Variants in PCNT observed in about 807,000 individuals in gnomAD.
The protein encoded by PCNT is pericentrin.
Under a neutral mutation model 380.4 loss-of-function variants are expected in PCNT, and 319 were observed. The observed-to-expected ratio is 0.84, with a 90% confidence interval of 0.77 to 0.92. The LOEUF is 0.92. PCNT is among the 40% of genes least tolerant of loss of function. The pLI is 0.00. For synonymous variants in PCNT, 1,845 were observed against 1,735.2 expected (o/e 1.06, Z -1.57); for missense variants, 4,400 against 4,255.3 (o/e 1.03, Z -0.95).
At chr21:46,426,041 A>G (rs2087482397) in intron 33 of PCNT, 70 bp downstream of exon 33, 4 of 960,066 alleles carry the variant, frequency 4.2e-6, no homozygotes, top group Non-Finnish European at 6.4e-6. Flanking sequence ...CCGCGTCCTT[A>G]GGGCCACGTG....
Position 46,416,908 on chromosome 21 carries a change from C to G in PCNT, c.6921+69C>G, listed in dbSNP as rs2087049862. On this transcript the variant is annotated intron_variant, in intron 30 of 46. Coordinates refer to ENST00000359568, the MANE Select transcript of PCNT (RefSeq NM_006031.6). ...TGTGGTCTGCCCGGCGCCACGGCAG[C>G]TGCCATTGTTTGTTCACCTCCTGAC... 2.7e-6 allele frequency: 4 copies of G among 1,508,154 alleles called. No individual in the cohort carries two copies. In the African/African-American group the frequency reaches 4.1e-5, roughly 15 times the overall value. The allele number at this position is 1,508,154 out of a possible 1,614,324, so 93.4% of individuals were successfully genotyped here. A position where few individuals can be genotyped will look rare whatever the true frequency, so the allele number is the denominator to read the frequency against.
intron 15 of PCNT, among the ~76,000 whole-genome samples, chr21:46,379,656 C>G (rs1601894523): frequency 6.6e-6 from 1 of 152,100 alleles, no homozygotes; most frequent in Non-Finnish European, 1.5e-5. Context: ...CTGACTGGAT[C>G]GTCTTAATTG....
chr21:46,406,070 T>A (rs1454439229), intron 27 of PCNT, among the ~76,000 whole-genome samples: 1 of 152,234 alleles, frequency 6.6e-6, no homozygotes, highest in Non-Finnish European at 1.5e-5. Context: ...GAAACCACAT[T>A]TGCTGTATTC....
chr21:46,344,469 A>G (rs2084003128), intron 3 of PCNT, among the ~76,000 whole-genome samples: 2 of 152,178 alleles, frequency 1.3e-5, no homozygotes, highest in African/African-American at 4.8e-5. Flanking sequence ...GGAGCCCACC[A>G]TGCCGCCCTT....
intron 1 of PCNT, chr21:46,325,199 G>A: frequency 2.0e-6 from 2 of 985,428 alleles, no homozygotes; most frequent in Non-Finnish European, 1.2e-6. Context: ...GGAGCAGGCC[G>A]GCCTCTGCGA....
At chr21:46,402,187 T>C (rs2086451141) in intron 26 of PCNT, 144 bp from the exon 27 acceptor site, 1 of 584,210 alleles carries the variant, frequency 1.7e-6, no homozygotes, top group East Asian at 3.2e-5. Flanking sequence ...TTACCATTTG[T>C]GTGCGGGTAC....
chr21:46,353,768 G>A (rs966458883), intron 10 of PCNT, among the ~76,000 whole-genome samples: 1 of 150,914 alleles, frequency 6.6e-6, no homozygotes, highest in Admixed American at 6.6e-5. Flanking sequence ...GACAGAGAGA[G>A]AGTCAGTGGC....
At chr21:46,386,018 G>C (rs779381057) in intron 17 of PCNT, 35 bp downstream of exon 17, 1 of 1,612,332 alleles carries the variant, frequency 6.2e-7, no homozygotes, top group Non-Finnish European at 8.5e-7. Flanking sequence ...CTGCCTTGTG[G>C]CCGCCAGCAC....
chr21:46,439,533 G>A (rs1345534809), intron 41 of PCNT, among the ~76,000 whole-genome samples: 1 of 152,208 alleles, frequency 6.6e-6, no homozygotes, highest in East Asian at 1.9e-4. Context: ...AAGATCACTT[G>A]CAGCACCTCA....
intron 27 of PCNT, among the ~76,000 whole-genome samples, chr21:46,409,017 C>T (rs2086701541): frequency 6.6e-6 from 1 of 152,030 alleles, no homozygotes; most frequent in Non-Finnish European, 1.5e-5. Flanking sequence ...AGCCACCGTG[C>T]CCCACCTCAG....
intron 16 of PCNT, among the ~76,000 whole-genome samples, chr21:46,383,341 C>T (rs1201620177): frequency 3.3e-5 from 4 of 119,702 alleles, no homozygotes; most frequent in Non-Finnish European, 6.7e-5. Context: ...AGCACATTCA[C>T]GGTGTGCATT....
At chr21:46,394,576 G>A (rs2086146051) in intron 21 of PCNT, 2 of 974,618 alleles carry the variant, frequency 2.1e-6, no homozygotes, top group African/African-American at 1.8e-5. Flanking sequence ...GTGACGTGCT[G>A]TTTGTTTGCA....
intron 14 of PCNT, among the ~76,000 whole-genome samples, chr21:46,365,623 T>C (rs986914835): frequency 2.7e-5 from 4 of 146,938 alleles, no homozygotes; most frequent in African/African-American, 1.0e-4. Context: ...TGCCGTGGGG[T>C]TCTGATCACT....
Position 46,370,501 on chromosome 21 carries a change from G to A in PCNT, c.3165+3362G>A, listed in dbSNP as rs560392343. ...GATGGCATAGGGAGGGGCATGGAGA[G>A]CCTGGGGGCTGACAGGGGAAGCCAC... On this transcript the variant is annotated intron_variant, in intron 15 of 46. Transcript: ENST00000359568. Among the ~76,000 whole-genome samples, 8 of 152,196 alleles carry A rather than the reference G, an allele frequency of 5.3e-5. No homozygotes were observed. In the South Asian group the frequency reaches 1.7e-3, roughly 32 times the overall value.
rs1299934896 is a variant in PCNT, at chr21:46,388,400, G to A, written c.3465-342G>A. Among the ~76,000 whole-genome samples, 2 of 152,244 alleles carry A rather than the reference G, an allele frequency of 1.3e-5. No homozygotes were observed. The highest frequency in any genetic ancestry group is 2.9e-5 in the Non-Finnish European group (2 of 68,046). ...GTGCTCCAGGGGAGGGGCGGAGCCT[G>A]TGTGCTGCTCCCGGGTGATTGACGC... On this transcript the variant is annotated intron_variant, in intron 17 of 46. Coordinates refer to ENST00000359568, the MANE Select transcript of PCNT (RefSeq NM_006031.6). This position sits in a 1 kb window ranked among gnomAD's most constrained non-coding sequence, Gnocchi z 4.2.
chr21:46,442,566 T>C lies in PCNT; in HGVS notation c.9693T>C (p.Pro3231=). 6.2e-7 allele frequency: 1 copy of C among 1,605,900 alleles called. No homozygotes were observed. Among genetic ancestry groups the C allele is most frequent in the Middle Eastern group, 1.7e-4 (1 of 6,046 alleles). Residue 3231 remains proline, a synonymous_variant, in exon 44 of 47, where the codon CCT becomes CCC. Transcript: ENST00000359568. ...GAGCTCTGGCACAAGGCAAAGCCCC[T>C]CGCCCAGGTGGGACTCCAGCTGCTG... ...RKGALAQGKA[P]RPGPRARQPQ...
chr21:46,333,870 G>A (rs1168469828), intron 2 of PCNT, among the ~76,000 whole-genome samples: 1 of 149,840 alleles, frequency 6.7e-6, no homozygotes, highest in East Asian at 2.0e-4. Context: ...TCATTAAGAA[G>A]AGGGGCAGGA....
intron 15 of PCNT, among the ~76,000 whole-genome samples, chr21:46,369,258 A>G (rs137952434): frequency 2.6e-5 from 4 of 152,264 alleles, no homozygotes; most frequent in Non-Finnish European, 5.9e-5. Context: ...TGTTTTTTAA[A>G]AGACAGGGTC....
intron 38 of PCNT, among the ~76,000 whole-genome samples, chr21:46,433,036 C>G (rs1001684183): frequency 2.6e-5 from 4 of 152,134 alleles, no homozygotes; most frequent in African/African-American, 9.7e-5. Context: ...GAGTCTCATT[C>G]CGTCACTCAG....
Sources: gnomAD v4.1 joint callset for allele counts (sites outside exome capture counted in the v4.1 genomes callset) on GRCh38, gnomAD v4.1.1 for gene constraint, Gnocchi (gnomAD v3.1) non-coding constraint, MANE v1.5 for transcripts, NCBI Gene and HGNC (gene_info 2026-07-23, HGNC 2026-07-21) for gene names.